The following CATSPERB variants were observed in gnomAD, a reference collection of about 807,000 sequenced individuals.
CATSPERB encodes catsper channel auxiliary subunit beta.
CATSPERB carries 93 observed loss-of-function variants against 128.3 expected under a neutral mutation model. The ratio of observed to expected loss-of-function variants is 0.72; its 90% CI spans 0.61 to 0.86. CATSPERB has a LOEUF of 0.86. Among genes scored for constraint, CATSPERB ranks in the 40% least tolerant of loss-of-function variants. The pLI, the probability that CATSPERB is intolerant of heterozygous loss-of-function variation, is 0.00. For missense variants in CATSPERB, 1,153 were observed against 1,329.5 expected (o/e 0.87, Z 2.06); for synonymous variants, 381 against 448.8 (o/e 0.85, Z 1.91).
At chr14:91,679,005 CA>C (rs1452672576) in intron 11 of CATSPERB, among the ~76,000 whole-genome samples, 1 of 151,936 alleles carries the variant, frequency 6.6e-6, no homozygotes, top group Non-Finnish European at 1.5e-5. Context: ...TCTCCATTTT[CA>C]AAAGTAGTCT....
intron 22 of CATSPERB, chr14:91,592,316 G>A: frequency 2.8e-6 from 1 of 355,454 alleles, no homozygotes. Context: ...AACTGCTCTT[G>A]GCCCCTGCCA....
chr14:91,670,278 C>T lies in CATSPERB; in HGVS notation c.1129-306G>A, dbSNP rs144273473. 2.0e-5 allele frequency among the ~76,000 whole-genome samples: 3 copies of T among 152,326 alleles called. No homozygotes were observed. The East Asian group carries it at 5.8e-4, about 29-fold the overall frequency. On this transcript the variant is annotated intron_variant, in intron 13 of 26. Transcript: ENST00000256343. ...TGCCAGACAGACTCCAAAGCCCATG[C>T]TTATGACTATCATGCCAAAAGTGTG...
intron 15 of CATSPERB, among the ~76,000 whole-genome samples, chr14:91,657,673 G>GA (rs939328490): frequency 1.7e-4 from 26 of 151,976 alleles, no homozygotes; most frequent in Admixed American, 3.9e-4. Flanking sequence ...AACTCAATAG[G>GA]AAAAAACTAA....
chr14:91,609,814 C>G (rs544028496), intron 21 of CATSPERB, among the ~76,000 whole-genome samples: 1 of 152,324 alleles, frequency 6.6e-6, no homozygotes, highest in African/African-American at 2.4e-5. Context: ...TCTCCGCTCA[C>G]TGCAACCCCT....
intron 22 of CATSPERB, among the ~76,000 whole-genome samples, chr14:91,594,454 G>C (rs980595868): frequency 6.7e-6 from 1 of 149,770 alleles, no homozygotes; most frequent in Non-Finnish European, 1.5e-5. Flanking sequence ...TTGTGCACAT[G>C]TACCCTAAAA....
At chr14:91,693,094 A>T (rs1895497934) in intron 9 of CATSPERB, 32 bp downstream of exon 9, 1 of 1,314,828 alleles carries the variant, frequency 7.6e-7, no homozygotes, top group African/African-American at 1.5e-5. Flanking sequence ...GATATTTAAG[A>T]TTAGCTATTA....
At chr14:91,635,246 A>G (rs1008081774) in intron 17 of CATSPERB, among the ~76,000 whole-genome samples, 3 of 152,046 alleles carry the variant, frequency 2.0e-5, no homozygotes, top group African/African-American at 7.2e-5. Context: ...CCACATATGA[A>G]TTTTTGGGGA....
intron 15 of CATSPERB, among the ~76,000 whole-genome samples, chr14:91,649,391 C>T (rs1330605143): frequency 6.6e-6 from 1 of 151,736 alleles, no homozygotes; most frequent in African/African-American, 2.4e-5. Flanking sequence ...TGGTCTTGAA[C>T]TCCTGCGCTC....
rs1555358774 is a variant in CATSPERB at position 91,586,571 on chromosome 14, A to AAAGAGAGAGAG, written c.3132+630_3132+631insCTCTCTCTCTT. On this transcript the variant is annotated intron_variant, in intron 26 of 26. Coordinates refer to ENST00000256343, the MANE Select transcript of CATSPERB (RefSeq NM_024764.4). Reference sequence around the variant, plus strand: ...GGAGAGAGAGAGAGAGAGAGAGAGAAAGAGAGAGAGAGAGAGAGAGAGACA... The same window carrying AAAGAGAGAGAG: ...GGAGAGAGAGAGAGAGAGAGAGAGAAAAGAGAGAGAGAGAGAGAGAGAGAGAGAGAGAGACA... 2.2e-3 allele frequency among the ~76,000 whole-genome samples: 257 copies of AAAGAGAGAGAG among 114,230 alleles called. 4 individuals are homozygous for AAAGAGAGAGAG. The South Asian group carries it at 0.025, about 11-fold the overall frequency. 74.9% of individuals were successfully genotyped at this position (114,230 alleles called of 152,430 possible). A position where few individuals can be genotyped will look rare whatever the true frequency, so the allele number is the denominator to read the frequency against.
At chr14:91,602,325 A>C (rs927762237) in intron 22 of CATSPERB, among the ~76,000 whole-genome samples, 1 of 152,214 alleles carries the variant, frequency 6.6e-6, no homozygotes, top group Non-Finnish European at 1.5e-5. Flanking sequence ...AAAATAAAAA[A>C]TAAAATTATT....
chr14:91,585,991 A>G (rs1340940180), intron 26 of CATSPERB, among the ~76,000 whole-genome samples: 1 of 152,196 alleles, frequency 6.6e-6, no homozygotes, highest in Non-Finnish European at 1.5e-5. Flanking sequence ...TTTCAATGTC[A>G]GTTCAGTTTT....
intron 18 of CATSPERB, 81 bp downstream of exon 18, chr14:91,624,739 A>C: frequency 9.8e-7 from 1 of 1,022,930 alleles, no homozygotes; most frequent in Non-Finnish European, 1.4e-6. Flanking sequence ...TGCTCTATAA[A>C]TAAGCATTAA....
chr14:91,587,477 CTTTTTTTTTTTTTTT>C (rs3029803), intron 25 of CATSPERB, among the ~76,000 whole-genome samples: 4 of 101,566 alleles, frequency 3.9e-5, no homozygotes, highest in African/African-American at 1.5e-4. Flanking sequence ...ATAGCTGATA[CTTTTTTTTTTTTTTT>C]TTTTTTTTTT....
chr14:91,693,280 A>T (rs1566733109), intron 8 of CATSPERB, 36 bp from the exon 9 acceptor site: 1 of 1,571,540 alleles, frequency 6.4e-7, no homozygotes, highest in Admixed American at 1.7e-5. Flanking sequence ...TTAAAAAGTA[A>T]GAAAAAAGTG....
At chr14:91,638,743 G>A (rs1894429094) in intron 16 of CATSPERB, among the ~76,000 whole-genome samples, 1 of 152,082 alleles carries the variant, frequency 6.6e-6, no homozygotes, top group Non-Finnish European at 1.5e-5. Context: ...GTTTCTTCAG[G>A]GACAACCTTA....
At chr14:91,689,792 T>C (rs918856357) in intron 10 of CATSPERB, among the ~76,000 whole-genome samples, 2 of 152,148 alleles carry the variant, frequency 1.3e-5, no homozygotes, top group African/African-American at 4.8e-5. Context: ...TAATTATCCT[T>C]CAATTCTTAA....
Position 91,695,892 on chromosome 14 carries a change from C to T in CATSPERB, c.617-2413G>A, listed in dbSNP as rs943755542. ...CGATGGACCCTGGAGACAGCACAAT[C>T]GGGGAATGTTGTGAGGGTAAGAAGC... On this transcript the variant is annotated intron_variant, in intron 7 of 26. Coordinates refer to ENST00000256343, the MANE Select transcript of CATSPERB (RefSeq NM_024764.4). Among the ~76,000 whole-genome samples, 6 of 152,092 alleles carry T rather than the reference C, an allele frequency of 3.9e-5. No homozygotes were observed. In the East Asian group the frequency reaches 7.7e-4, roughly 20 times the overall value.
intron 22 of CATSPERB, among the ~76,000 whole-genome samples, chr14:91,600,608 G>C (rs1893593470): frequency 6.6e-6 from 1 of 152,202 alleles, no homozygotes; most frequent in African/African-American, 2.4e-5. Flanking sequence ...ATACTTTTAT[G>C]TAAGAGGCTA....
chr14:91,594,923 C>A (rs1038712426), intron 22 of CATSPERB, among the ~76,000 whole-genome samples: 12 of 151,868 alleles, frequency 7.9e-5, no homozygotes, highest in Admixed American at 7.9e-4. Flanking sequence ...GAAAGCACAG[C>A]TTAGTTTTCA....
Sources: allele counts gnomAD v4.1 joint callset (sites outside exome capture counted in the v4.1 genomes callset), GRCh38; gene constraint gnomAD v4.1.1; transcripts MANE v1.5; gene names NCBI Gene and HGNC (gene_info 2026-07-23, HGNC 2026-07-21).